The following EVC2 variants were observed in gnomAD, a reference collection of about 807,000 sequenced individuals.
EVC2 encodes the protein EvC ciliary complex subunit 2.
Under a neutral mutation model 149.3 loss-of-function variants are expected in EVC2, and 148 were observed. The observed-to-expected ratio is 0.99, with a 90% CI of 0.87 to 1.14. The LOEUF (loss-of-function observed/expected upper bound fraction) is 1.14. Ranked by LOEUF, EVC2 falls within the 50% of genes most tolerant of loss-of-function variation. The pLI is 0.00. For missense variants in EVC2, 1,854 were observed against 1,627.3 expected, an observed-to-expected ratio of 1.14 and a Z score of -2.40; for synonymous variants, 776 against 649.9, an observed-to-expected ratio of 1.19 and a Z score of -2.95.
chr4:5,631,649 G>C, intron 11 of EVC2, 144 bp downstream of exon 11: 3 of 1,181,732 alleles, frequency 2.5e-6, no homozygotes, highest in Middle Eastern at 3.0e-4. Context: ...CTGCTTACTG[G>C]AAACTCACAC....
chr4:5,667,223 G>A (rs1185997580), intron 7 of EVC2, among the ~76,000 whole-genome samples: 2 of 151,944 alleles, frequency 1.3e-5, no homozygotes, highest in African/African-American at 4.8e-5. Context: ...ATATGCATGT[G>A]TAAATTATAA....
At chr4:5,685,765 G>A (rs544670954) in intron 5 of EVC2, among the ~76,000 whole-genome samples, 1 of 152,334 alleles carries the variant, frequency 6.6e-6, no homozygotes, top group East Asian at 1.9e-4. Flanking sequence ...AACAGGGCTG[G>A]CTCTCCTAGC....
rs1259627517 is a variant in EVC2, at chr4:5,622,761, C to G, written c.2277G>C (p.Met759Ile). 1 of 1,614,098 alleles carries G rather than the reference C, an allele frequency of 6.2e-7. No homozygotes were observed. Among genetic ancestry groups the G allele is most frequent in the Non-Finnish European group, 8.5e-7 (1 of 1,180,030 alleles). Residue 759 changes from methionine to isoleucine, a missense_variant, in exon 14 of 22, where the codon ATG becomes ATC. Met to Ile is a conservative substitution (Grantham distance 10). Transcript: ENST00000344408. The surrounding 1 kb of genome is among the most constrained non-coding windows in gnomAD (Gnocchi z 5.8). ...CCCCACGCTTGAGCAGCTCCTGGGTCATGGCTGAGTTCTGCAGGCGCCGCA... is the reference window on the plus strand; with the variant it reads ...CCCCACGCTTGAGCAGCTCCTGGGTGATGGCTGAGTTCTGCAGGCGCCGCA... ...DELRRLQNSAMTQELLKRGVP... is the reference protein window; with the variant it reads ...DELRRLQNSAITQELLKRGVP...
chr4:5,569,231 G>A lies in EVC2; in HGVS notation c.3361-591C>T, dbSNP rs554769771. On this transcript the variant is annotated intron_variant, in intron 19 of 21. Coordinates refer to ENST00000344408, the MANE Select transcript of EVC2 (RefSeq NM_147127.5). The surrounding 1 kb of genome is among the most constrained non-coding windows in gnomAD (Gnocchi z 4.8). The stretch of plus-strand genomic sequence containing the variant: ...ACTGGAGAGCGGCAGTGGATGCCAG[G>A]TGTGGGGCAGGGGAGGTGGGTGTGG... Among the ~76,000 whole-genome samples, 1 of 152,216 alleles carries A rather than the reference G, an allele frequency of 6.6e-6. No individual in the cohort carries two copies. Among genetic ancestry groups the A allele is most frequent in the Non-Finnish European group, 1.5e-5 (1 of 68,040 alleles).
At chr4:5,597,121 G>A (rs1018277119) in intron 16 of EVC2, among the ~76,000 whole-genome samples, 9 of 152,114 alleles carry the variant, frequency 5.9e-5, no homozygotes, top group Non-Finnish European at 7.3e-5. Context: ...ATTCACAGCC[G>A]AATTCTACCA....
At chr4:5,575,311 T>A (rs1450979708) in intron 18 of EVC2, among the ~76,000 whole-genome samples, 2 of 152,188 alleles carry the variant, frequency 1.3e-5, no homozygotes, top group Non-Finnish European at 2.9e-5. Flanking sequence ...CAAGTGCAAC[T>A]CAAATCAAAA....
chr4:5,689,073 T>C (rs535204537), intron 5 of EVC2, 84 bp downstream of exon 5: 2 of 1,476,900 alleles, frequency 1.4e-6, no homozygotes, highest in Admixed American at 1.7e-5. Context: ...TTTAAGAACA[T>C]GCCTGACCCA....
intron 9 of EVC2, among the ~76,000 whole-genome samples, chr4:5,661,768 A>C (rs1718887750): frequency 6.6e-6 from 1 of 152,228 alleles, no homozygotes; most frequent in Non-Finnish European, 1.5e-5. Flanking sequence ...AATGATTAAA[A>C]GCCTGGACCA....
At chr4:5,579,400 C>G (rs1396429788) in intron 17 of EVC2, among the ~76,000 whole-genome samples, 3 of 152,154 alleles carry the variant, frequency 2.0e-5, no homozygotes, top group Admixed American at 6.5e-5. Context: ...TCCATTGATG[C>G]TGGTTAATAT....
At chr4:5,662,271 T>C (rs1484258598) in intron 9 of EVC2, among the ~76,000 whole-genome samples, 1 of 151,810 alleles carries the variant, frequency 6.6e-6, no homozygotes, top group Non-Finnish European at 1.5e-5. Flanking sequence ...ATTCAGATTC[T>C]CTCCCTCTTA....
At chr4:5,627,420 G>A (rs1716192450) in intron 12 of EVC2, among the ~76,000 whole-genome samples, 1 of 152,168 alleles carries the variant, frequency 6.6e-6, no homozygotes, top group Admixed American at 6.5e-5. Context: ...AAATTGCAGT[G>A]ATAAATTCAT....
rs1716696742 is a variant in EVC2 at position 5,633,545 on chromosome 4, C to T, written c.1471-1513G>A. 6.6e-6 allele frequency among the ~76,000 whole-genome samples: 1 copy of T among 152,220 alleles called. No homozygotes were observed. Among genetic ancestry groups the T allele is most frequent in the Admixed American group, 6.5e-5 (1 of 15,284 alleles). On this transcript the variant is annotated intron_variant, in intron 10 of 21. Coordinates refer to ENST00000344408, the MANE Select transcript of EVC2 (RefSeq NM_147127.5). The surrounding 1 kb of genome is among the most constrained non-coding windows in gnomAD (Gnocchi z 4.4). ...GTGTTCAGGCTCCAAGCTCTGAAAC[C>T]ACTCAAGGCAGTGACAGTGGAGCTT...
At position 5,550,004 on chromosome 4, in the gene EVC2, C is replaced by T. The variant is rs887371982; in HGVS notation, c.3420-6792G>A. Among the ~76,000 whole-genome samples the T allele has an allele frequency of 3.9e-5, 6 of 152,310 alleles. No individual in the cohort carries two copies. The South Asian group carries it at 1.0e-3, about 26-fold the overall frequency. On this transcript the variant is annotated intron_variant and NMD_transcript_variant, in intron 21 of 22. Transcript: ENST00000475313. Reference sequence around the variant, plus strand: ...GTAATATGTGACTTGCTCGTCCTTGCTTTCTGCCATGATTGTGAAGCCTCC... The same window carrying T: ...GTAATATGTGACTTGCTCGTCCTTGTTTTCTGCCATGATTGTGAAGCCTCC...
intron 17 of EVC2, among the ~76,000 whole-genome samples, chr4:5,577,706 C>T (rs1041443534): frequency 7.2e-5 from 11 of 152,176 alleles, no homozygotes; most frequent in African/African-American, 2.4e-4. Context: ...CACCATCGCA[C>T]GGAGAACCTT....
chr4:5,568,894 C>G (rs552378230), intron 19 of EVC2, among the ~76,000 whole-genome samples: 1 of 152,286 alleles, frequency 6.6e-6, no homozygotes, highest in Non-Finnish European at 1.5e-5. Flanking sequence ...GGGCAGTACC[C>G]AAATCCCCAC....
intron 22 of EVC2, chr4:5,542,938 A>G (rs1307937075): frequency 8.5e-6 from 3 of 352,444 alleles, no homozygotes; most frequent in South Asian, 2.2e-5. Flanking sequence ...TCGGTAACCA[A>G]TGATTTTCTC....
intron 16 of EVC2, among the ~76,000 whole-genome samples, chr4:5,599,421 G>A (rs1030244217): frequency 6.6e-5 from 10 of 152,120 alleles, no homozygotes; most frequent in African/African-American, 2.2e-4. Context: ...GTCATTTGTA[G>A]GGACATGGAT....
chr4:5,701,286 T>C lies in EVC2; in HGVS notation c.229-3639A>G, dbSNP rs149073234. Among the ~76,000 whole-genome samples the C allele has an allele frequency of 2.2e-4, 34 of 152,294 alleles. No homozygotes were observed. The East Asian group carries it at 6.0e-3, about 27-fold the overall frequency. On this transcript the variant is annotated intron_variant, in intron 1 of 21. Coordinates refer to ENST00000344408, the MANE Select transcript of EVC2 (RefSeq NM_147127.5). ...GAACCATCAGATAAACCTGAATATA[T>C]TCCTTATTTTAACATCAGTTGATCA...
chr4:5,538,657 GTTGAT>G (rs1276722170), downstream of EVC2, among the ~76,000 whole-genome samples: 1 of 152,150 alleles, frequency 6.6e-6, no homozygotes, highest in African/African-American at 2.4e-5. Context: ...AGAAGGCACA[GTTGAT>G]TTAATATTTT....
Sources: gnomAD v4.1 joint callset for allele counts (sites outside exome capture counted in the v4.1 genomes callset) on GRCh38, gnomAD v4.1.1 for gene constraint, Gnocchi (gnomAD v3.1) non-coding constraint, MANE v1.5 for transcripts, NCBI Gene and HGNC (gene_info 2026-07-23, HGNC 2026-07-21) for gene names.